The following HECW2 variants were observed in gnomAD, a reference collection of about 807,000 sequenced individuals.
HECW2 encodes the protein HECT, C2 and WW domain containing E3 ubiquitin protein ligase 2.
In HECW2, 61 loss-of-function variants were observed where a neutral mutation model predicts 175.2. The observed-to-expected ratio is 0.35, with a 90% CI of 0.28 to 0.43. HECW2 has a LOEUF of 0.43. Among genes scored for constraint, HECW2 ranks in the 20% least tolerant of loss-of-function variants. HECW2 has a pLI of 1.00. For synonymous variants in HECW2, 671 were observed against 731.0 expected (o/e 0.92, Z 1.32); for missense variants, 1,524 against 2,000.5 (o/e 0.76, Z 4.54).
chr2:196,285,624 C>T (rs943187134), intron 14 of HECW2, among the ~76,000 whole-genome samples: 5 of 152,176 alleles, frequency 3.3e-5, no homozygotes, highest in African/African-American at 1.2e-4. Context: ...CAGCTCCTGG[C>T]TCCTTCCCCC....
chr2:196,578,324 T>C (rs958941993), intron 1 of HECW2, among the ~76,000 whole-genome samples: 2 of 151,870 alleles, frequency 1.3e-5, no homozygotes, highest in African/African-American at 2.4e-5. Flanking sequence ...GTCTTAGGAA[T>C]AGAAAGAAAA....
chr2:196,308,287 T>C, intron 10 of HECW2: 1 of 388,534 alleles, frequency 2.6e-6, no homozygotes. Flanking sequence ...ATCCTGTGCA[T>C]ATAATACCAG....
At chr2:196,418,910 A>C (rs1362247622) in intron 2 of HECW2, among the ~76,000 whole-genome samples, 1 of 152,250 alleles carries the variant, frequency 6.6e-6, no homozygotes, top group Admixed American at 6.5e-5. Context: ...AGATGAATGA[A>C]TACCAAAGAT....
intron 1 of HECW2, among the ~76,000 whole-genome samples, chr2:196,435,357 C>G (rs1005761474): frequency 4.6e-5 from 7 of 152,188 alleles, no homozygotes; most frequent in African/African-American, 9.7e-5. Context: ...TTTCATTTTA[C>G]TGACTTTCAA....
At chr2:196,491,369 TACAC>T (rs67409257) in intron 1 of HECW2, among the ~76,000 whole-genome samples, 5,416 of 130,338 alleles carry the variant, frequency 0.042, 144 homozygotes, top group South Asian at 0.083. Context: ...CATATATATA[TACAC>T]ACACACACAC....
chr2:196,246,765 T>C (rs1471838946), intron 19 of HECW2, among the ~76,000 whole-genome samples: 1 of 152,142 alleles, frequency 6.6e-6, no homozygotes, highest in Non-Finnish European at 1.5e-5. Context: ...TAATTTGAGA[T>C]GCTTAAAAGG....
chr2:196,242,414 TA>T, intron 19 of HECW2: 1 of 573,780 alleles, frequency 1.7e-6, no homozygotes, highest in African/African-American at 1.9e-5. Context: ...TGGTTGAGAA[TA>T]AAAATTCTGT....
At chr2:196,322,155 G>C (rs1691966603) in intron 7 of HECW2, among the ~76,000 whole-genome samples, 1 of 152,156 alleles carries the variant, frequency 6.6e-6, no homozygotes, top group South Asian at 2.1e-4. Flanking sequence ...GCATCAACCT[G>C]ATCCAAGAAT....
At chr2:196,210,249 G>T (rs1687227068) in intron 28 of HECW2, among the ~76,000 whole-genome samples, 1 of 151,010 alleles carries the variant, frequency 6.6e-6, no homozygotes, top group South Asian at 2.1e-4. Flanking sequence ...GTGATAAACG[G>T]AATGTTGTTT....
chr2:196,302,038 T>C (rs531650814), intron 13 of HECW2, among the ~76,000 whole-genome samples: 1 of 152,340 alleles, frequency 6.6e-6, no homozygotes, highest in Non-Finnish European at 1.5e-5. Flanking sequence ...AAGTCTTTAG[T>C]CCATCTTGAG....
chr2:196,411,321 T>C (rs1276086598), intron 2 of HECW2, among the ~76,000 whole-genome samples: 1 of 152,168 alleles, frequency 6.6e-6, no homozygotes, highest in Non-Finnish European at 1.5e-5. Context: ...CATCTTTTAA[T>C]TAAGGGCCAG....
At chr2:196,355,436 A>G (rs1693329733) in intron 2 of HECW2, among the ~76,000 whole-genome samples, 1 of 152,228 alleles carries the variant, frequency 6.6e-6, no homozygotes, top group South Asian at 2.1e-4. Flanking sequence ...TTCTATGACA[A>G]TGATGATAAA....
intron 2 of HECW2, among the ~76,000 whole-genome samples, chr2:196,390,163 T>C (rs4414696): frequency 0.73 from 111,342 of 151,890 alleles, 43,012 homozygotes; most frequent in East Asian, 0.94. Context: ...CCTATTATGA[T>C]ATCCATTTTA....
chr2:196,201,446 T>G, intron 28 of HECW2, 58 bp from the exon 29 acceptor site: 1 of 1,067,548 alleles, frequency 9.4e-7, no homozygotes. Flanking sequence ...TGAAAATGTG[T>G]GTGGTGTGTG....
chr2:196,210,914 G>A (rs1687260195), intron 28 of HECW2, among the ~76,000 whole-genome samples: 1 of 151,938 alleles, frequency 6.6e-6, no homozygotes, highest in African/African-American at 2.4e-5. Context: ...GTGAGCCACT[G>A]CACTCTGCCA....
chr2:196,546,288 C>A (rs1379601556), intron 1 of HECW2, among the ~76,000 whole-genome samples: 1 of 152,208 alleles, frequency 6.6e-6, no homozygotes, highest in Non-Finnish European at 1.5e-5. Flanking sequence ...GCAAGTAGTT[C>A]TCTCCCCAAA....
chr2:196,319,969 A>G, intron 8 of HECW2, 65 bp from the exon 9 acceptor site: 1 of 1,456,808 alleles, frequency 6.9e-7, no homozygotes, highest in Non-Finnish European at 9.1e-7. Flanking sequence ...TTTATGACTT[A>G]TTTGCTTTGC....
In HECW2 at chr2:196,388,908, C is replaced by T. The variant is rs548658051; in HGVS notation, c.292+44224G>A. 6.6e-5 allele frequency among the ~76,000 whole-genome samples: 10 copies of T among 152,234 alleles called. No individual in the cohort carries two copies. In the East Asian group the frequency reaches 1.4e-3, roughly 21 times the overall value. ...TGTTACATAAATTAACTTTTGCTGACGGGGAAGACTGGCATTTGGAAGCAT... is the reference window on the plus strand; with the variant it reads ...TGTTACATAAATTAACTTTTGCTGATGGGGAAGACTGGCATTTGGAAGCAT... On this transcript the variant is annotated intron_variant, in intron 2 of 28. Transcript: ENST00000644978.
chr2:196,201,417 T>C (rs371807710), intron 28 of HECW2, 29 bp from the exon 29 acceptor site: 5 of 1,490,056 alleles, frequency 3.4e-6, no homozygotes, highest in African/African-American at 2.8e-5. Context: ...GCACATAGTT[T>C]AGAACAGGCC....
Sources: allele counts gnomAD v4.1 joint callset (sites outside exome capture counted in the v4.1 genomes callset), GRCh38; gene constraint gnomAD v4.1.1; transcripts MANE v1.5; gene names NCBI Gene and HGNC (gene_info 2026-07-23, HGNC 2026-07-21).